NR2F1-AS1: variants seen among roughly 807,000 people sequenced by gnomAD.
The protein encoded by NR2F1-AS1 is NR2F1 regulatory antisense RNA 1, also known as NR2F1 antisense RNA 1.
intron 4 of NR2F1-AS1, among the ~76,000 whole-genome samples, chr5:93,419,719 G>A (rs1749048095): frequency 6.6e-6 from 1 of 152,182 alleles, no homozygotes; most frequent in African/African-American, 2.4e-5. Context: ...TATGTGTTGA[G>A]GTTTCTAAAG....
At chr5:93,510,120 G>A (rs1439062841) in intron 4 of NR2F1-AS1, among the ~76,000 whole-genome samples, 2 of 152,032 alleles carry the variant, frequency 1.3e-5, no homozygotes, top group Admixed American at 6.6e-5. Context: ...AAGTTAGAAC[G>A]ATTAAAAATA....
chr5:93,449,779 G>A (rs1341038558), intron 4 of NR2F1-AS1, among the ~76,000 whole-genome samples: 1 of 152,114 alleles, frequency 6.6e-6, no homozygotes, highest in Non-Finnish European at 1.5e-5. Flanking sequence ...TGACATTACT[G>A]ATTATTGTCT....
chr5:93,427,504 T>C (rs1395316957), intron 4 of NR2F1-AS1, among the ~76,000 whole-genome samples: 1 of 152,214 alleles, frequency 6.6e-6, no homozygotes, highest in African/African-American at 2.4e-5. Flanking sequence ...CTGTTACCCA[T>C]GATCTTTCAC....
At position 93,579,162 on chromosome 5, in the gene NR2F1-AS1, C is replaced by A. The variant is rs536934878; in HGVS notation, n.313+1305G>T. Among the ~76,000 whole-genome samples the A allele has an allele frequency of 1.3e-5, 2 of 152,168 alleles. No individual in the cohort carries two copies. Among genetic ancestry groups the A allele is most frequent in the Non-Finnish European group, 1.5e-5 (1 of 68,028 alleles). On this transcript the variant is annotated intron_variant and non_coding_transcript_variant, in intron 1 of 5. Coordinates refer to ENST00000660523, the Ensembl canonical transcript of NR2F1-AS1. The surrounding 1 kb of genome is among the most constrained non-coding windows in gnomAD (Gnocchi z 5.1). ...GGGGGACAGCGCCCTCCTCGAAAAG[C>A]CTTGGTTTCTCCCCGCCCCCTCTTG... is the stretch of plus-strand genomic sequence containing the variant.
At chr5:93,431,990 TA>T (rs1749335755) in intron 4 of NR2F1-AS1, among the ~76,000 whole-genome samples, 1 of 152,186 alleles carries the variant, frequency 6.6e-6, no homozygotes, top group Admixed American at 6.5e-5. Flanking sequence ...AGGAAGATGT[TA>T]AAATCAAGTA....
At chr5:93,497,948 A>G (rs980063286) in intron 4 of NR2F1-AS1, among the ~76,000 whole-genome samples, 1 of 152,202 alleles carries the variant, frequency 6.6e-6, no homozygotes, top group African/African-American at 2.4e-5. Context: ...TAAATAGCAC[A>G]TATACCGTTT....
At chr5:93,477,767 T>C (rs2149873542) in intron 4 of NR2F1-AS1, among the ~76,000 whole-genome samples, 1 of 152,338 alleles carries the variant, frequency 6.6e-6, no homozygotes, top group South Asian at 2.1e-4. Flanking sequence ...TTATTCTTTC[T>C]GAGTAGTTAC....
At chr5:93,416,850 A>C (rs1010051416) in intron 4 of NR2F1-AS1, among the ~76,000 whole-genome samples, 1 of 152,202 alleles carries the variant, frequency 6.6e-6, no homozygotes, top group African/African-American at 2.4e-5. Context: ...AAAACTCTAA[A>C]GTGGTTTATT....
chr5:93,571,572 T>C (rs1752769575), intron 1 of NR2F1-AS1, among the ~76,000 whole-genome samples: 1 of 151,838 alleles, frequency 6.6e-6, no homozygotes. Flanking sequence ...CGCCCTCCTA[T>C]GCAAGAGCGT....
At position 93,579,634 on chromosome 5, in the gene NR2F1-AS1, C is replaced by T. The variant is rs910123808; in HGVS notation, n.313+833G>A. On this transcript the variant is annotated intron_variant and non_coding_transcript_variant, in intron 1 of 5. Transcript: ENST00000660523. This position sits in a 1 kb window ranked among gnomAD's most constrained non-coding sequence, Gnocchi z 5.1. ...CAGTCCCCAGCATCGGCTGCCCCCG[C>T]CCCCCGCGCGCCCTCTGACGCAAAC... 6.6e-6 allele frequency among the ~76,000 whole-genome samples: 1 copy of T among 151,938 alleles called. No individual in the cohort carries two copies. Among genetic ancestry groups the T allele is most frequent in the African/African-American group, 2.4e-5 (1 of 41,360 alleles).
intron 4 of NR2F1-AS1, among the ~76,000 whole-genome samples, chr5:93,525,768 A>C (rs1356395182): frequency 6.6e-6 from 1 of 152,236 alleles, no homozygotes; most frequent in Non-Finnish European, 1.5e-5. Context: ...TGAGTAAATA[A>C]CAAAATTAAG....
At chr5:93,529,300 G>A (rs866827102) in intron 4 of NR2F1-AS1, among the ~76,000 whole-genome samples, 1 of 152,150 alleles carries the variant, frequency 6.6e-6, no homozygotes, top group Admixed American at 6.6e-5. Flanking sequence ...TACTGAGACT[G>A]AAAGGAGCCA....
intron 4 of NR2F1-AS1, among the ~76,000 whole-genome samples, chr5:93,507,835 C>T (rs991289593): frequency 6.6e-6 from 1 of 152,058 alleles, no homozygotes; most frequent in Non-Finnish European, 1.5e-5. Context: ...TACACAGAGG[C>T]AATATCCAAG....
At chr5:93,436,976 C>G (rs1188451315) in intron 4 of NR2F1-AS1, among the ~76,000 whole-genome samples, 2 of 148,636 alleles carry the variant, frequency 1.3e-5, no homozygotes, top group Non-Finnish European at 3.0e-5. Flanking sequence ...AAGTGAAACT[C>G]ATTATCTCCA....
At chr5:93,486,654 T>A (rs1421232241) in intron 4 of NR2F1-AS1, among the ~76,000 whole-genome samples, 2 of 152,190 alleles carry the variant, frequency 1.3e-5, no homozygotes, top group African/African-American at 2.4e-5. Context: ...CACAGCTGAA[T>A]TCTACCAGAG....
At chr5:93,576,019 A>G (rs930880825) in intron 1 of NR2F1-AS1, among the ~76,000 whole-genome samples, 1 of 152,204 alleles carries the variant, frequency 6.6e-6, no homozygotes, top group African/African-American at 2.4e-5. Context: ...GAGTAAAGGC[A>G]TTTTTGTTGC....
At chr5:93,481,206 GC>G (rs1382557675) in intron 4 of NR2F1-AS1, among the ~76,000 whole-genome samples, 1 of 151,890 alleles carries the variant, frequency 6.6e-6, no homozygotes, top group East Asian at 1.9e-4. Flanking sequence ...CCAAAAGAGA[GC>G]CAGGCTGGCT....
intron 4 of NR2F1-AS1, among the ~76,000 whole-genome samples, chr5:93,510,090 C>T (rs548241035): frequency 3.3e-5 from 5 of 151,874 alleles, no homozygotes; most frequent in Non-Finnish European, 7.4e-5. Context: ...TGGAGACAAA[C>T]GTGAATTTAT....
intron 4 of NR2F1-AS1, among the ~76,000 whole-genome samples, chr5:93,418,588 AAAATAAAT>A (rs56873600): frequency 2.1e-4 from 31 of 149,518 alleles, no homozygotes; most frequent in Non-Finnish European, 3.0e-4. Context: ...CCGTCTCATA[AAAATAAAT>A]AAATAAATAA....
Sources: gnomAD v4.1 joint callset for allele counts (sites outside exome capture counted in the v4.1 genomes callset) on GRCh38, gnomAD v4.1.1 for gene constraint, Gnocchi (gnomAD v3.1) non-coding constraint, MANE v1.5 for transcripts, NCBI Gene and HGNC (gene_info 2026-07-23, HGNC 2026-07-21) for gene names.